The following KCNQ5 variants were observed in gnomAD, a reference collection of about 807,000 sequenced individuals.
KCNQ5 encodes the protein potassium voltage-gated channel subfamily Q member 5, also known as potassium voltage-gated channel subfamily KQT member 5.
Under a neutral mutation model 98.2 loss-of-function variants are expected in KCNQ5, and 30 were observed. That is an observed-to-expected ratio of 0.31 (90% CI 0.23 to 0.41). The LOEUF (loss-of-function observed/expected upper bound fraction) is 0.41, where lower values mean the gene tolerates loss of function less well. Among genes scored for constraint, KCNQ5 ranks in the 10% least tolerant of loss-of-function variants. KCNQ5 has a pLI of 1.00. For synonymous variants in KCNQ5, 458 were observed against 449.4 expected, an observed-to-expected ratio of 1.02 and a Z score of -0.24; for missense variants, 835 against 1,182.5, an observed-to-expected ratio of 0.71 and a Z score of 4.31.
At chr6:72,841,741 A>T (rs1776803499) in intron 1 of KCNQ5, among the ~76,000 whole-genome samples, 1 of 151,994 alleles carries the variant, frequency 6.6e-6, no homozygotes, top group Non-Finnish European at 1.5e-5. Context: ...TCTCATTTGG[A>T]TATGTAATCC....
chr6:72,991,099 G>C (rs1413968036), intron 1 of KCNQ5, among the ~76,000 whole-genome samples: 2 of 11,494 alleles, frequency 1.7e-4, no homozygotes, highest in Non-Finnish European at 2.8e-4. Context: ...TGTTCATCAA[G>C]GATATTGGTC....
At chr6:73,019,674 A>G (rs1770502121) in intron 2 of KCNQ5, among the ~76,000 whole-genome samples, 1 of 152,206 alleles carries the variant, frequency 6.6e-6, no homozygotes, top group Admixed American at 6.5e-5. Context: ...CAAAAGTTCA[A>G]ATTTTTAAAA....
chr6:72,900,327 CAT>C (rs527328404), intron 1 of KCNQ5, among the ~76,000 whole-genome samples: 6 of 146,918 alleles, frequency 4.1e-5, no homozygotes, highest in Admixed American at 6.9e-5. Flanking sequence ...TATCCCATCT[CAT>C]ATATATATAT....
intron 1 of KCNQ5, among the ~76,000 whole-genome samples, chr6:72,644,678 G>A (rs187520305): frequency 2.2e-4 from 34 of 152,268 alleles, no homozygotes; most frequent in Non-Finnish European, 1.5e-5. Context: ...GAATAGGGCT[G>A]TGGGGAAGGA....
chr6:73,169,662 C>A, intron 10 of KCNQ5, 84 bp from the exon 11 acceptor site: 2 of 949,258 alleles, frequency 2.1e-6, no homozygotes, highest in South Asian at 1.4e-5. Context: ...GTGAGTATCC[C>A]GCCATTTCCA....
Position 73,055,624 on chromosome 6 carries a change from A to G in KCNQ5, c.616+13562A>G, listed in dbSNP as rs1298759688. ...TATTTCCCCAGATCAAGGAGGGGAA[A>G]TGGGTACTGACTGCAGCCCATGGCA... is the stretch of plus-strand genomic sequence containing the variant. On this transcript the variant is annotated intron_variant, in intron 3 of 13. Coordinates refer to ENST00000370398, the MANE Select transcript of KCNQ5 (RefSeq NM_019842.4). 5.7e-6 allele frequency: 7 copies of G among 1,228,438 alleles called. No individual in the cohort carries two copies. In the South Asian group the frequency reaches 7.2e-5, roughly 13 times the overall value. The allele number at this position is 1,228,438 out of a possible 1,614,324, so 76.1% of individuals were successfully genotyped here.
intron 10 of KCNQ5, among the ~76,000 whole-genome samples, chr6:73,152,877 C>T (rs1040380503): frequency 2.0e-5 from 3 of 152,128 alleles, no homozygotes; most frequent in Admixed American, 2.0e-4. Flanking sequence ...ACCATTATTA[C>T]GATAACGAGC....
chr6:72,927,586 G>A (rs1336532984), intron 1 of KCNQ5, among the ~76,000 whole-genome samples: 1 of 151,878 alleles, frequency 6.6e-6, no homozygotes, highest in South Asian at 2.1e-4. Context: ...ATGAGAAAAT[G>A]GGTCAAGTAG....
intron 2 of KCNQ5, among the ~76,000 whole-genome samples, chr6:73,031,238 A>G (rs1374260875): frequency 6.6e-6 from 1 of 152,242 alleles, no homozygotes; most frequent in East Asian, 1.9e-4. Context: ...ATTCAGTGGT[A>G]GAAACCATAG....
At position 73,005,642 on chromosome 6, in the gene KCNQ5, G is replaced by A. The variant is rs369486392; in HGVS notation, c.489+1644G>A. ...CTTGACTTTTAAAACCTGTTAAATA[G>A]TGAACAATGGATCAGAGTTTAGTAA... On this transcript the variant is annotated intron_variant, in intron 2 of 13. Transcript: ENST00000370398. 4.2e-4 allele frequency among the ~76,000 whole-genome samples: 64 copies of A among 152,282 alleles called. 2 individuals carry two copies. The South Asian group carries it at 0.013, about 32-fold the overall frequency.
chr6:72,792,738 C>T (rs1461191019), intron 1 of KCNQ5, among the ~76,000 whole-genome samples: 4 of 152,102 alleles, frequency 2.6e-5, no homozygotes, highest in African/African-American at 9.7e-5. Flanking sequence ...CAACTAAGCA[C>T]ATAATTAATG....
At chr6:72,869,026 A>T (rs143957331) in intron 1 of KCNQ5, among the ~76,000 whole-genome samples, 1,681 of 152,320 alleles carry the variant, frequency 0.011, 25 homozygotes, top group African/African-American at 0.037. Flanking sequence ...AATGCTTGAG[A>T]TAATGGATAC....
Position 72,711,682 on chromosome 6 carries a change from C to T in KCNQ5, c.398+89095C>T, listed in dbSNP as rs1304699634. Among the ~76,000 whole-genome samples, 5 of 151,776 alleles carry T rather than the reference C, an allele frequency of 3.3e-5. No individual in the cohort carries two copies. In the East Asian group the frequency reaches 9.7e-4, roughly 29 times the overall value. ...AAGTGTAGGTGCAGGGAGACCTATC[C>T]AAAGGTCCCAGGTGATAAATTACGC... is the stretch of plus-strand genomic sequence containing the variant. On this transcript the variant is annotated intron_variant, in intron 1 of 13. Coordinates refer to ENST00000370398, the MANE Select transcript of KCNQ5 (RefSeq NM_019842.4).
chr6:72,978,789 T>C (rs1768281572), intron 1 of KCNQ5, among the ~76,000 whole-genome samples: 1 of 152,220 alleles, frequency 6.6e-6, no homozygotes, highest in Non-Finnish European at 1.5e-5. Flanking sequence ...TAACTCGTCA[T>C]TTACATTACA....
At chr6:72,744,193 C>T (rs1043397975) in intron 1 of KCNQ5, among the ~76,000 whole-genome samples, 6 of 152,170 alleles carry the variant, frequency 3.9e-5, no homozygotes, top group African/African-American at 7.2e-5. Context: ...GCATTTCTAT[C>T]GTGAGCCTAG....
At chr6:73,058,813 T>C (rs1194009415) in intron 3 of KCNQ5, among the ~76,000 whole-genome samples, 2 of 152,150 alleles carry the variant, frequency 1.3e-5, no homozygotes, top group African/African-American at 4.8e-5. Flanking sequence ...TATAAAAAAA[T>C]GCTCAACATT....
chr6:72,970,514 T>C (rs566240481), intron 1 of KCNQ5, among the ~76,000 whole-genome samples: 6 of 152,290 alleles, frequency 3.9e-5, no homozygotes, highest in African/African-American at 1.4e-4. Flanking sequence ...CCAAAGCTAA[T>C]TACCAGTTGA....
At chr6:72,882,236 A>G (rs901831321) in intron 1 of KCNQ5, among the ~76,000 whole-genome samples, 2 of 152,250 alleles carry the variant, frequency 1.3e-5, no homozygotes, top group Non-Finnish European at 2.9e-5. Context: ...AAAGGCCAAA[A>G]TATCCCAATT....
intron 1 of KCNQ5, among the ~76,000 whole-genome samples, chr6:72,935,078 T>C (rs1765851045): frequency 1.4e-5 from 2 of 146,302 alleles, no homozygotes; most frequent in African/African-American, 2.5e-5. Flanking sequence ...TTTTTTTTTT[T>C]TTTTTTTTTT....
Sources: gnomAD v4.1 joint callset for allele counts (sites outside exome capture counted in the v4.1 genomes callset) on GRCh38, gnomAD v4.1.1 for gene constraint, MANE v1.5 for transcripts, NCBI Gene and HGNC (gene_info 2026-07-23, HGNC 2026-07-21) for gene names.